ANAPC10: variants seen among roughly 807,000 people sequenced by gnomAD.
ANAPC10 encodes the protein anaphase promoting complex subunit 10.
A neutral mutation model predicts 22.0 loss-of-function variants in ANAPC10; 12 were observed. The ratio of observed to expected loss-of-function variants is 0.55; its 90% CI spans 0.35 to 0.88. The LOEUF (loss-of-function observed/expected upper bound fraction) is 0.88, where lower values mean the gene tolerates loss of function less well. Among genes scored for constraint, ANAPC10 ranks in the 40% least tolerant of loss-of-function variants. The pLI, the probability that ANAPC10 is intolerant of heterozygous loss-of-function variation, is 0.01. For synonymous variants in ANAPC10, 65 were observed against 69.5 expected (o/e 0.94, Z 0.32); for missense variants, 188 against 220.9 (o/e 0.85, Z 0.94).
chr4:145,097,348 T>G (rs559486573), intron 1 of ANAPC10: 40 of 543,866 alleles, frequency 7.4e-5, no homozygotes, highest in African/African-American at 7.1e-4. Context: ...TCACATCTTT[T>G]GTTAATTTTA....
At chr4:145,037,026 GTGTGTGTGTGTGTA>G (rs1450972042) in intron 4 of ANAPC10, among the ~76,000 whole-genome samples, 77 of 144,560 alleles carry the variant, frequency 5.3e-4, no homozygotes, top group African/African-American at 1.5e-3. Context: ...GTGTGTGTGT[GTGTGTGTGTGTGTA>G]TGTGTGTGCA....
chr4:145,069,230 G>T (rs1489871820), intron 3 of ANAPC10, among the ~76,000 whole-genome samples: 1 of 152,122 alleles, frequency 6.6e-6, no homozygotes, highest in Non-Finnish European at 1.5e-5. Flanking sequence ...TAAATGAGGT[G>T]AGCCCTACAA....
intron 4 of ANAPC10, 76 bp downstream of exon 4, chr4:145,064,491 CTAATG>C (rs1743383922): frequency 1.7e-6 from 2 of 1,160,516 alleles, no homozygotes; most frequent in Non-Finnish European, 2.4e-6. Flanking sequence ...TTTAACCTGT[CTAATG>C]TAATGTCAAC....
Position 145,096,072 on chromosome 4 carries a change from CAGG to C in ANAPC10, c.25_27del (p.Pro9del). ...CTTTCCAACTGCTTGGGGTCAGCAC[CAGG>C]AGGTGTCTTGTTTGGTGTAGTCATT... is the stretch of plus-strand genomic sequence containing the variant. On this transcript the variant is annotated inframe_deletion, in exon 2 of 5. Coordinates refer to ENST00000507656, the MANE Select transcript of ANAPC10 (RefSeq NM_001256706.2). 1 of 1,614,130 alleles carries C rather than the reference CAGG, an allele frequency of 6.2e-7. No homozygotes were observed. Among genetic ancestry groups the C allele is most frequent in the Admixed American group, 1.7e-5 (1 of 60,024 alleles).
intron 4 of ANAPC10, among the ~76,000 whole-genome samples, chr4:145,024,283 T>C (rs1736352370): frequency 6.6e-6 from 1 of 152,236 alleles, no homozygotes; most frequent in Non-Finnish European, 1.5e-5. Flanking sequence ...CTCTTGTTAA[T>C]GTTCGTATTT....
intron 4 of ANAPC10, among the ~76,000 whole-genome samples, chr4:145,040,007 C>T (rs2127129141): frequency 6.6e-6 from 1 of 151,760 alleles, no homozygotes; most frequent in East Asian, 1.9e-4. Flanking sequence ...GACTCCAAAG[C>T]CCATGCTCTT....
intron 4 of ANAPC10, among the ~76,000 whole-genome samples, chr4:145,016,008 A>C (rs1560825860): frequency 6.6e-6 from 1 of 152,184 alleles, no homozygotes; most frequent in Non-Finnish European, 1.5e-5. Flanking sequence ...CTCACAGCCA[A>C]TATCATACTG....
intron 3 of ANAPC10, among the ~76,000 whole-genome samples, chr4:145,069,314 A>AG (rs76412973): frequency 6.6e-6 from 1 of 152,198 alleles, no homozygotes; most frequent in East Asian, 1.9e-4. Context: ...AGAATCTAGT[A>AG]GTCTACTGAA....
At chr4:145,002,331 C>T (rs917750977) in intron 4 of ANAPC10, among the ~76,000 whole-genome samples, 3 of 151,978 alleles carry the variant, frequency 2.0e-5, no homozygotes, top group African/African-American at 4.8e-5. Flanking sequence ...AGACAGACTC[C>T]AACTCAAAAG....
At chr4:145,079,417 T>C (rs745440253) in intron 3 of ANAPC10, among the ~76,000 whole-genome samples, 1 of 152,242 alleles carries the variant, frequency 6.6e-6, no homozygotes, top group Non-Finnish European at 1.5e-5. Flanking sequence ...GGAATACTTA[T>C]ACACTGCTGG....
intron 4 of ANAPC10, among the ~76,000 whole-genome samples, chr4:145,048,047 A>G (rs1169741082): frequency 6.6e-6 from 1 of 152,150 alleles, no homozygotes; most frequent in Non-Finnish European, 1.5e-5. Context: ...TATCTTCTCT[A>G]AGATCACATG....
intron 4 of ANAPC10, among the ~76,000 whole-genome samples, chr4:145,037,038 GTATGTGTGTGCA>G (rs780036319): frequency 7.4e-5 from 8 of 107,572 alleles, no homozygotes; most frequent in African/African-American, 3.1e-4. Flanking sequence ...GTGTGTGTGT[GTATGTGTGTGCA>G]TGCATGAATG....
intron 2 of ANAPC10, among the ~76,000 whole-genome samples, chr4:145,086,698 G>A (rs1746950323): frequency 6.6e-6 from 1 of 151,854 alleles, no homozygotes; most frequent in Non-Finnish European, 1.5e-5. Flanking sequence ...GCATTGAAAG[G>A]TATTTAGCTG....
In ANAPC10 at chr4:145,042,902, A is replaced by G. The variant is rs184091411; in HGVS notation, c.327+21670T>C. ...TCTGTACATCTTTAAAATAACAGGT[A>G]AAGAAAAAATTGTCTAAAAAAAAAA... On this transcript the variant is annotated intron_variant, in intron 4 of 4. Transcript: ENST00000507656. 9.0e-4 allele frequency among the ~76,000 whole-genome samples: 137 copies of G among 152,264 alleles called. 1 individual carries two copies. The Middle Eastern group carries it at 0.014, about 15-fold the overall frequency.
rs1015981573 is a variant in ANAPC10 at position 145,010,881 on chromosome 4, G to GA, written c.328-15279dup. On this transcript the variant is annotated intron_variant, in intron 4 of 4. Transcript: ENST00000507656. Reference sequence around the variant, plus strand: ...ACCAATAAAAGGAGAGGTATATGGGGAAAAAAAAACAAAAATATACATCTC... The same window carrying GA: ...ACCAATAAAAGGAGAGGTATATGGGGAAAAAAAAAACAAAAATATACATCTC... 3.5e-4 allele frequency among the ~76,000 whole-genome samples: 52 copies of GA among 148,426 alleles called. 1 individual carries two copies. The highest frequency in any genetic ancestry group is 1.1e-3 in the African/African-American group (43 of 40,362).
intron 4 of ANAPC10, among the ~76,000 whole-genome samples, chr4:145,041,030 A>C (rs927241816): frequency 2.0e-5 from 3 of 152,216 alleles, no homozygotes; most frequent in African/African-American, 4.8e-5. Context: ...ATTAAAAAAA[A>C]CAACTGAAGT....
chr4:145,088,061 A>G (rs1407618010), intron 2 of ANAPC10, among the ~76,000 whole-genome samples: 1 of 152,152 alleles, frequency 6.6e-6, no homozygotes, highest in African/African-American at 2.4e-5. Context: ...GAATAAAAAT[A>G]AAAGAGAAAT....
chr4:145,042,043 C>T (rs1739596714), intron 4 of ANAPC10, among the ~76,000 whole-genome samples: 2 of 152,076 alleles, frequency 1.3e-5, no homozygotes, highest in South Asian at 2.1e-4. Flanking sequence ...TGGATCACAA[C>T]ATCCATTTTA....
chr4:145,046,381 A>G (rs1239985932), intron 4 of ANAPC10, among the ~76,000 whole-genome samples: 1 of 152,166 alleles, frequency 6.6e-6, no homozygotes, highest in Admixed American at 6.5e-5. Flanking sequence ...AAAGTCATCC[A>G]TATTATAAAG....
Sources: gnomAD v4.1 joint callset for allele counts (sites outside exome capture counted in the v4.1 genomes callset) on GRCh38, gnomAD v4.1.1 for gene constraint, MANE v1.5 for transcripts, NCBI Gene and HGNC (gene_info 2026-07-23, HGNC 2026-07-21) for gene names.